Variants in CSMD1 observed in about 807,000 individuals in gnomAD.
The protein encoded by CSMD1 is CUB and sushi domain-containing protein 1.
A neutral mutation model predicts 417.5 loss-of-function variants in CSMD1; 213 were observed. The ratio of observed to expected loss-of-function variants is 0.51; its 90% CI spans 0.46 to 0.57. CSMD1 has a LOEUF of 0.57. CSMD1 is among the 20% of genes least tolerant of loss of function. The probability of loss-of-function intolerance (pLI) is 0.00; values close to 1 mark genes in which losing one functional copy is unlikely to be tolerated. For synonymous variants in CSMD1, 2,862 were observed against 1,736.8 expected, an observed-to-expected ratio of 1.65 and a Z score of -16.11; for missense variants, 6,923 against 4,529.7, an observed-to-expected ratio of 1.53 and a Z score of -15.17.
intron 2 of CSMD1, among the ~76,000 whole-genome samples, chr8:4,495,177 A>G (rs1443587519): frequency 6.6e-6 from 1 of 152,146 alleles, no homozygotes; most frequent in Non-Finnish European, 1.5e-5. Flanking sequence ...TATACTTAGC[A>G]TTACCCAGAA....
intron 1 of CSMD1, among the ~76,000 whole-genome samples, chr8:4,822,482 C>G (rs9314543): frequency 0.065 from 9,920 of 151,940 alleles, 548 homozygotes; most frequent in East Asian, 0.23. Context: ...GATTGTAACC[C>G]GATGGAGATG....
intron 12 of CSMD1, among the ~76,000 whole-genome samples, chr8:3,456,142 T>G (rs571383436): frequency 6.6e-6 from 1 of 152,180 alleles, no homozygotes; most frequent in Non-Finnish European, 1.5e-5. Flanking sequence ...GGTGTGCCAT[T>G]TGCTAAGACC....
chr8:4,704,307 G>C (rs1375508725), intron 1 of CSMD1, among the ~76,000 whole-genome samples: 1 of 152,174 alleles, frequency 6.6e-6, no homozygotes, highest in Non-Finnish European at 1.5e-5. Context: ...ATTTTATTCA[G>C]CATTGAGTGT....
At chr8:4,733,390 C>A (rs1040073419) in intron 1 of CSMD1, among the ~76,000 whole-genome samples, 1 of 152,126 alleles carries the variant, frequency 6.6e-6, no homozygotes, top group Non-Finnish European at 1.5e-5. Flanking sequence ...TGACTCATGC[C>A]CAGAATAACC....
chr8:4,590,893 A>T (rs999594309), intron 2 of CSMD1, among the ~76,000 whole-genome samples: 4 of 152,222 alleles, frequency 2.6e-5, no homozygotes, highest in African/African-American at 9.6e-5. Flanking sequence ...CTCATCGTAC[A>T]CATTTCTGTG....
intron 21 of CSMD1, among the ~76,000 whole-genome samples, chr8:3,356,680 C>G (rs1808815194): frequency 6.7e-6 from 1 of 148,346 alleles, no homozygotes; most frequent in Non-Finnish European, 1.5e-5. Flanking sequence ...CATCTCAAAA[C>G]AAAACAACAA....
intron 4 of CSMD1, among the ~76,000 whole-genome samples, chr8:4,003,096 T>C (rs1237316166): frequency 6.6e-6 from 1 of 152,148 alleles, no homozygotes; most frequent in African/African-American, 2.4e-5. Flanking sequence ...CTTTGTATTT[T>C]AAGAAACAAG....
chr8:3,761,697 G>C (rs1013779110), intron 5 of CSMD1, among the ~76,000 whole-genome samples: 1 of 151,912 alleles, frequency 6.6e-6, no homozygotes, highest in African/African-American at 2.4e-5. Context: ...GTAGAGATGA[G>C]GTTTCACCAT....
intron 5 of CSMD1, among the ~76,000 whole-genome samples, chr8:3,995,988 G>A (rs1815183100): frequency 6.6e-6 from 1 of 152,152 alleles, no homozygotes; most frequent in Admixed American, 6.6e-5. Flanking sequence ...TAGTCTCTCT[G>A]GCTATCTGTG....
At chr8:3,895,847 T>C (rs1167474634) in intron 5 of CSMD1, among the ~76,000 whole-genome samples, 1 of 152,168 alleles carries the variant, frequency 6.6e-6, no homozygotes, top group Non-Finnish European at 1.5e-5. Flanking sequence ...CTTGTTCCCT[T>C]CCAGACAAGT....
chr8:3,641,372 G>A (rs191363070), intron 7 of CSMD1, among the ~76,000 whole-genome samples: 3 of 152,136 alleles, frequency 2.0e-5, no homozygotes, highest in African/African-American at 2.4e-5. Flanking sequence ...TGCCACCTTC[G>A]CTAACGTCAG....
intron 12 of CSMD1, among the ~76,000 whole-genome samples, chr8:3,462,279 T>G (rs993090824): frequency 6.6e-6 from 1 of 152,140 alleles, no homozygotes; most frequent in African/African-American, 2.4e-5. Flanking sequence ...GACTATACAG[T>G]GCCATCCTAG....
At chr8:4,417,737 C>T (rs959423334) in intron 3 of CSMD1, among the ~76,000 whole-genome samples, 1 of 151,952 alleles carries the variant, frequency 6.6e-6, no homozygotes. Context: ...TTTTGTGACT[C>T]TAAATCAACT....
At chr8:4,788,894 G>C (rs1797550572) in intron 1 of CSMD1, among the ~76,000 whole-genome samples, 1 of 152,210 alleles carries the variant, frequency 6.6e-6, no homozygotes, top group Non-Finnish European at 1.5e-5. Flanking sequence ...CATGCCCAGT[G>C]TTTTCAGGTG....
intron 1 of CSMD1, among the ~76,000 whole-genome samples, chr8:4,766,453 G>A (rs775873077): frequency 3.3e-5 from 5 of 152,282 alleles, no homozygotes; most frequent in South Asian, 4.1e-4. Flanking sequence ...GAAGGCTAAC[G>A]TGCTTTACAA....
intron 56 of CSMD1, among the ~76,000 whole-genome samples, 185 bp from the exon 57 acceptor site, chr8:2,973,484 AGGATGT>A (rs1804640698): frequency 6.6e-6 from 1 of 152,238 alleles, no homozygotes; most frequent in African/African-American, 2.4e-5. Flanking sequence ...AAAAGAATTT[AGGATGT>A]GGCTCCCATG....
In CSMD1 at chr8:4,362,181, A is replaced by G. The variant is rs1269367920; in HGVS notation, c.415+57772T>C. 2.0e-5 allele frequency among the ~76,000 whole-genome samples: 3 copies of G among 152,296 alleles called. No homozygotes were observed. The East Asian group carries it at 5.8e-4, about 29-fold the overall frequency. ...CAATTTACATGAGTACAGTGAAGAA[A>G]AAGTCCATTACATCTGTATTTTCCA... On this transcript the variant is annotated intron_variant, in intron 3 of 69. Coordinates refer to ENST00000635120, the MANE Select transcript of CSMD1 (RefSeq NM_033225.6).
At chr8:4,613,153 A>G (rs1255315287) in intron 2 of CSMD1, among the ~76,000 whole-genome samples, 1 of 152,194 alleles carries the variant, frequency 6.6e-6, no homozygotes, top group Non-Finnish European at 1.5e-5. Flanking sequence ...TGCTCTTCCC[A>G]TAAGAGAACA....
At chr8:4,187,079 T>G (rs545635533) in intron 3 of CSMD1, among the ~76,000 whole-genome samples, 1 of 152,336 alleles carries the variant, frequency 6.6e-6, no homozygotes, top group South Asian at 2.1e-4. Context: ...GAAACAAACA[T>G]TATCTCTAAG....
Sources: gnomAD v4.1 joint callset for allele counts (sites outside exome capture counted in the v4.1 genomes callset) on GRCh38, gnomAD v4.1.1 for gene constraint, MANE v1.5 for transcripts, NCBI Gene and HGNC (gene_info 2026-07-23, HGNC 2026-07-21) for gene names.